The following CNTN4 variants were observed in gnomAD, a reference collection of about 807,000 sequenced individuals.
CNTN4 encodes the protein contactin-4.
CNTN4 carries 77 observed loss-of-function variants against 122.5 expected under a neutral mutation model. The observed-to-expected ratio is 0.63, with a 90% CI of 0.52 to 0.76. The LOEUF (loss-of-function observed/expected upper bound fraction) is 0.76. Among genes scored for constraint, CNTN4 ranks in the 30% least tolerant of loss-of-function variants. The pLI is 0.00. For synonymous variants in CNTN4, 512 were observed against 447.0 expected (o/e 1.15, Z -1.83); for missense variants, 1,256 against 1,259.1 (o/e 1.00, Z 0.04).
At chr3:3,046,672 A>T (rs567269124) in intron 23 of CNTN4, among the ~76,000 whole-genome samples, 8 of 152,270 alleles carry the variant, frequency 5.3e-5, no homozygotes, top group African/African-American at 1.2e-4. Context: ...CTCTGCAAAA[A>T]CATGCCAAAT....
intron 5 of CNTN4, among the ~76,000 whole-genome samples, chr3:2,744,665 C>G (rs183269103): frequency 2.5e-4 from 38 of 152,226 alleles, no homozygotes; most frequent in African/African-American, 7.7e-4. Flanking sequence ...TAAATGACTT[C>G]TGAAAGGAGA....
intron 2 of CNTN4, among the ~76,000 whole-genome samples, chr3:2,326,762 C>G (rs541259166): frequency 1.3e-5 from 2 of 152,156 alleles, no homozygotes; most frequent in South Asian, 4.1e-4. Context: ...CTGTGAGCCC[C>G]TGGGCAATGA....
chr3:2,662,517 T>C (rs1294274585), intron 4 of CNTN4, among the ~76,000 whole-genome samples: 2 of 152,212 alleles, frequency 1.3e-5, no homozygotes, highest in Non-Finnish European at 2.9e-5. Context: ...TTCTTTCACC[T>C]GTGGTCCAAT....
intron 3 of CNTN4, among the ~76,000 whole-genome samples, chr3:2,420,216 A>G (rs1232590687): frequency 6.6e-6 from 1 of 152,086 alleles, no homozygotes; most frequent in African/African-American, 2.4e-5. Context: ...TTTTCCAAAA[A>G]CTGTGGGAAA....
chr3:2,369,884 A>G (rs2150643680), intron 3 of CNTN4, among the ~76,000 whole-genome samples: 1 of 152,204 alleles, frequency 6.6e-6, no homozygotes, highest in East Asian at 1.9e-4. Flanking sequence ...TCCTAACTAA[A>G]ATGATACTTC....
intron 4 of CNTN4, among the ~76,000 whole-genome samples, chr3:2,688,196 C>T (rs1166111752): frequency 6.6e-6 from 1 of 152,076 alleles, no homozygotes; most frequent in Non-Finnish European, 1.5e-5. Flanking sequence ...TGAACAGTGC[C>T]TTTTAAAAAA....
intron 2 of CNTN4, among the ~76,000 whole-genome samples, chr3:2,314,061 T>C (rs1233810059): frequency 3.3e-5 from 5 of 151,968 alleles, no homozygotes; most frequent in African/African-American, 9.7e-5. Context: ...TTAATTTCAG[T>C]TTTCTTGTCA....
chr3:2,584,218 C>T (rs1215437459), intron 4 of CNTN4, among the ~76,000 whole-genome samples: 1 of 152,152 alleles, frequency 6.6e-6, no homozygotes, highest in Admixed American at 6.5e-5. Context: ...CTTCCATCTA[C>T]TTTACCTTCA....
chr3:2,960,107 G>A (rs555240171), intron 13 of CNTN4, among the ~76,000 whole-genome samples: 1 of 152,106 alleles, frequency 6.6e-6, no homozygotes, highest in Non-Finnish European at 1.5e-5. Flanking sequence ...ACCTTCTTAG[G>A]TGTGGGTTCT....
intron 12 of CNTN4, among the ~76,000 whole-genome samples, chr3:2,922,672 G>A (rs1021542530): frequency 6.8e-6 from 1 of 147,790 alleles, no homozygotes; most frequent in Non-Finnish European, 1.5e-5. Context: ...GAGTGCAGTG[G>A]CACGATCTTG....
chr3:2,438,447 G>A (rs1252670665), intron 3 of CNTN4, among the ~76,000 whole-genome samples: 1 of 152,104 alleles, frequency 6.6e-6, no homozygotes, highest in Admixed American at 6.6e-5. Context: ...GCTTGAACCC[G>A]GGAAGTGGAG....
intron 14 of CNTN4, among the ~76,000 whole-genome samples, chr3:3,023,584 T>C (rs1038589963): frequency 3.3e-5 from 5 of 152,182 alleles, no homozygotes; most frequent in African/African-American, 1.2e-4. Context: ...TGTCAGGAGA[T>C]AGGAAGACAA....
intron 3 of CNTN4, among the ~76,000 whole-genome samples, chr3:2,521,257 A>T (rs1397937812): frequency 1.3e-5 from 2 of 151,924 alleles, no homozygotes; most frequent in African/African-American, 2.4e-5. Flanking sequence ...TTGTTTGAAG[A>T]TAGGATTTTG....
At chr3:2,404,262 C>T (rs2046954105) in intron 3 of CNTN4, among the ~76,000 whole-genome samples, 1 of 152,178 alleles carries the variant, frequency 6.6e-6, no homozygotes, top group South Asian at 2.1e-4. Context: ...TAGGGTCTCA[C>T]AAGGCCTACA....
intron 6 of CNTN4, among the ~76,000 whole-genome samples, chr3:2,805,420 G>A (rs1393750870): frequency 1.3e-5 from 2 of 152,224 alleles, no homozygotes; most frequent in African/African-American, 4.8e-5. Context: ...CAGGAGCAAT[G>A]TTGTGACGAT....
chr3:2,199,883 T>C (rs954652270), intron 2 of CNTN4, among the ~76,000 whole-genome samples: 1 of 152,142 alleles, frequency 6.6e-6, no homozygotes, highest in African/African-American at 2.4e-5. Flanking sequence ...AGGGAATAAC[T>C]TGTGTAGAGA....
At chr3:2,529,429 T>A (rs1232055993) in intron 3 of CNTN4, among the ~76,000 whole-genome samples, 2 of 152,186 alleles carry the variant, frequency 1.3e-5, no homozygotes, top group Non-Finnish European at 2.9e-5. Context: ...TGCAGACATC[T>A]CTTTATAATA....
At chr3:2,302,391 G>T (rs1216347409) in intron 2 of CNTN4, among the ~76,000 whole-genome samples, 1 of 152,182 alleles carries the variant, frequency 6.6e-6, no homozygotes, top group Non-Finnish European at 1.5e-5. Context: ...TCGTGCCACT[G>T]CACTCCAGCC....
intron 4 of CNTN4, among the ~76,000 whole-genome samples, chr3:2,715,212 G>A (rs2149360743): frequency 6.6e-6 from 1 of 152,158 alleles, no homozygotes. Context: ...ACCTTCTAAA[G>A]GAAGCAGCTA....
Sources: gnomAD v4.1 joint callset for allele counts (sites outside exome capture counted in the v4.1 genomes callset) on GRCh38, gnomAD v4.1.1 for gene constraint, MANE v1.5 for transcripts, NCBI Gene and HGNC (gene_info 2026-07-23, HGNC 2026-07-21) for gene names.